Variants in MAST2 observed in about 807,000 individuals in gnomAD.
MAST2 encodes the protein microtubule-associated serine/threonine-protein kinase 2.
Under a neutral mutation model 147.4 loss-of-function variants are expected in MAST2, and 70 were observed. The observed-to-expected ratio is 0.47, with a 90% CI of 0.39 to 0.58. The LOEUF (loss-of-function observed/expected upper bound fraction) is 0.58. MAST2 is among the 20% of genes least tolerant of loss of function. The pLI is 0.00. For synonymous variants in MAST2, 869 were observed against 896.8 expected, an observed-to-expected ratio of 0.97 and a Z score of 0.55; for missense variants, 2,080 against 2,302.3, an observed-to-expected ratio of 0.90 and a Z score of 1.98.
intron 3 of MAST2, among the ~76,000 whole-genome samples, chr1:45,863,712 G>T (rs753060652): frequency 1.3e-5 from 2 of 152,172 alleles, no homozygotes; most frequent in Non-Finnish European, 2.9e-5. Flanking sequence ...CTGGCCTTTA[G>T]CTATTGCTAT....
chr1:46,035,483 C>A lies in MAST2; in HGVS notation c.4814C>A (p.Ser1605Tyr). 6.2e-7 allele frequency: 1 copy of A among 1,613,308 alleles called. No homozygotes were observed. Among genetic ancestry groups the A allele is most frequent in the Non-Finnish European group, 8.5e-7 (1 of 1,179,984 alleles). ...TCAGCAGGCCCCAACCTAGGTCAGT[C>A]TGGAGCCACAGACCCCATCCCTCCT... is the stretch of plus-strand genomic sequence containing the variant. Reference protein sequence around the residue: ...SSSAGPNLGQSGATDPIPPEG... With the variant: ...SSSAGPNLGQYGATDPIPPEG... The change falls in exon 29 of 29, where the codon TCT becomes TAT. Residue 1605 changes from serine (S) to tyrosine (Y), a missense_variant. By Grantham distance (144) the Ser-to-Tyr change is moderately radical. Around this residue, in one of 4 missense-constraint regions of MAST2, gnomAD observed 1,278 missense variants for 1,304.2 expected, o/e 0.98. Transcript: ENST00000361297. This position sits in a 1 kb window ranked among gnomAD's most constrained non-coding sequence, Gnocchi z 5.5.
At position 46,023,082 on chromosome 1, in the gene MAST2, A is replaced by G. The variant is rs145278020; in HGVS notation, c.1485+111A>G. On this transcript the variant is annotated intron_variant, in intron 13 of 28. Transcript: ENST00000361297. The surrounding 1 kb of genome is among the most constrained non-coding windows in gnomAD (Gnocchi z 4.9). ...AGGAAGGGATGGGGGAGTTGGTGAC[A>G]GCAAACACTGAGAAGTCATTCTACT... is the stretch of plus-strand genomic sequence containing the variant. 37 of 1,232,044 alleles carry G rather than the reference A, an allele frequency of 3.0e-5. No homozygotes were observed. The East Asian group carries it at 7.2e-4, about 24-fold the overall frequency. The allele number at this position is 1,232,044 out of a possible 1,614,324, so 76.3% of individuals were successfully genotyped here.
intron 2 of MAST2, among the ~76,000 whole-genome samples, 166 bp downstream of exon 2, chr1:45,824,746 C>A (rs1369360291): frequency 6.6e-6 from 1 of 152,224 alleles, no homozygotes; most frequent in African/African-American, 2.4e-5. Context: ...CTCATGGAAT[C>A]TCTGATTGCT....
At chr1:45,889,704 C>T (rs1647381581) in intron 4 of MAST2, among the ~76,000 whole-genome samples, 1 of 151,934 alleles carries the variant, frequency 6.6e-6, no homozygotes, top group Non-Finnish European at 1.5e-5. Flanking sequence ...CTCCTGGGTT[C>T]AAGCAATTCT....
intron 4 of MAST2, among the ~76,000 whole-genome samples, chr1:45,894,567 T>C (rs1267312146): frequency 1.3e-5 from 2 of 152,130 alleles, no homozygotes; most frequent in Admixed American, 1.3e-4. Flanking sequence ...AGAATATACT[T>C]TAATATTGTA....
intron 3 of MAST2, among the ~76,000 whole-genome samples, chr1:45,873,777 G>T (rs1018832301): frequency 1.3e-5 from 2 of 152,096 alleles, no homozygotes; most frequent in African/African-American, 4.8e-5. Context: ...AAACTCAAAT[G>T]AGAATAACAC....
intron 5 of MAST2, among the ~76,000 whole-genome samples, chr1:45,971,376 A>G (rs1643907004): frequency 6.6e-6 from 1 of 152,230 alleles, no homozygotes; most frequent in Admixed American, 6.5e-5. Context: ...GACGTGAAAG[A>G]CAAATCCTGG....
In MAST2 at chr1:46,023,056, G is replaced by A; in HGVS notation, c.1485+85G>A. 1 of 1,383,532 alleles carries A rather than the reference G, an allele frequency of 7.2e-7. No homozygotes were observed. Among genetic ancestry groups the A allele is most frequent in the South Asian group, 1.2e-5 (1 of 84,826 alleles). The allele number at this position is 1,383,532 out of a possible 1,614,324, so 85.7% of individuals were successfully genotyped here. A position where few individuals can be genotyped will look rare whatever the true frequency, so the allele number is the denominator to read the frequency against. Reference sequence around the variant, plus strand: ...ATGAATTCTCTTTAAGAGAATATCTGAGGAAGGGATGGGGGAGTTGGTGAC... The same window carrying A: ...ATGAATTCTCTTTAAGAGAATATCTAAGGAAGGGATGGGGGAGTTGGTGAC... On this transcript the variant is annotated intron_variant, in intron 13 of 28. Transcript: ENST00000361297. The surrounding 1 kb of genome is among the most constrained non-coding windows in gnomAD (Gnocchi z 4.9).
intron 4 of MAST2, among the ~76,000 whole-genome samples, chr1:45,898,496 A>G (rs1326963161): frequency 2.0e-5 from 3 of 152,104 alleles, no homozygotes; most frequent in Non-Finnish European, 4.4e-5. Flanking sequence ...TCCATGCAAT[A>G]TCTTCCGTTC....
At chr1:45,974,355 A>G (rs1475523837) in intron 5 of MAST2, among the ~76,000 whole-genome samples, 1 of 152,178 alleles carries the variant, frequency 6.6e-6, no homozygotes, top group Non-Finnish European at 1.5e-5. Context: ...CCCACACTTC[A>G]GGAGGCCAAG....
intron 4 of MAST2, among the ~76,000 whole-genome samples, chr1:45,894,444 T>A (rs1648386202): frequency 6.6e-6 from 1 of 152,162 alleles, no homozygotes; most frequent in Non-Finnish European, 1.5e-5. Context: ...TAGTTTTTTT[T>A]ATGAGGAGCC....
intron 4 of MAST2, among the ~76,000 whole-genome samples, chr1:45,906,046 T>C (rs945950977): frequency 2.6e-5 from 4 of 152,316 alleles, no homozygotes; most frequent in East Asian, 1.9e-4. Flanking sequence ...TGAATAATGA[T>C]GGTGAATATG....
intron 3 of MAST2, among the ~76,000 whole-genome samples, chr1:45,875,923 T>C (rs564615216): frequency 3.6e-4 from 54 of 149,326 alleles, no homozygotes; most frequent in African/African-American, 1.3e-3. Flanking sequence ...GAAAGGAGAG[T>C]GTACAAGCAG....
chr1:45,895,175 T>C (rs1648531116), intron 4 of MAST2, among the ~76,000 whole-genome samples: 1 of 152,228 alleles, frequency 6.6e-6, no homozygotes, highest in Admixed American at 6.5e-5. Flanking sequence ...AATGACCTGC[T>C]TTTTTGTAAT....
intron 5 of MAST2, among the ~76,000 whole-genome samples, chr1:45,965,102 G>A (rs1370910589): frequency 1.3e-5 from 2 of 152,100 alleles, no homozygotes; most frequent in Admixed American, 1.3e-4. Flanking sequence ...TACAATTTCT[G>A]TTCTTTTACA....
intron 22 of MAST2, 62 bp downstream of exon 22, chr1:46,030,823 T>C (rs1646629754): frequency 6.7e-7 from 1 of 1,497,170 alleles, no homozygotes; most frequent in Non-Finnish European, 8.9e-7. Flanking sequence ...TCACAGATCA[T>C]GGGAGAGATT....
At chr1:45,814,730 T>A (rs1319024950) in intron 1 of MAST2, among the ~76,000 whole-genome samples, 1 of 152,162 alleles carries the variant, frequency 6.6e-6, no homozygotes, top group Non-Finnish European at 1.5e-5. Flanking sequence ...GAGGTTGCAG[T>A]GAGCCAAGAT....
At position 46,023,755 on chromosome 1, in the gene MAST2, C is replaced by T. The variant is rs751950854; in HGVS notation, c.1572-17C>T. On this transcript the variant is annotated splice_polypyrimidine_tract_variant and intron_variant, in intron 14 of 28. Transcript: ENST00000361297. This position sits in a 1 kb window ranked among gnomAD's most constrained non-coding sequence, Gnocchi z 4.9. Reference sequence around the variant, plus strand: ...TGCTGAGGGTCCATGGGGGATGGGCCGGACTTTGTTTCCCAGGGCTGTATT... The same window carrying T: ...TGCTGAGGGTCCATGGGGGATGGGCTGGACTTTGTTTCCCAGGGCTGTATT... 9 of 1,611,436 alleles carry T rather than the reference C, an allele frequency of 5.6e-6. No individual in the cohort carries two copies. The highest frequency in any genetic ancestry group is 1.1e-5 in the South Asian group (1 of 90,814).
At chr1:45,871,437 C>T (rs924355589) in intron 3 of MAST2, among the ~76,000 whole-genome samples, 1 of 152,248 alleles carries the variant, frequency 6.6e-6, no homozygotes, top group Non-Finnish European at 1.5e-5. Flanking sequence ...CCATGAAATT[C>T]ACTGTAACCA....
Sources: gnomAD v4.1 joint callset for allele counts (sites outside exome capture counted in the v4.1 genomes callset) on GRCh38, gnomAD v4.1.1 for gene constraint, gnomAD v4.1.1 regional missense constraint, Gnocchi (gnomAD v3.1) non-coding constraint, MANE v1.5 for transcripts, NCBI Gene and HGNC (gene_info 2026-07-23, HGNC 2026-07-21) for gene names.